HK1: variants seen among roughly 807,000 people sequenced by gnomAD.
HK1 encodes the protein hexokinase-1.
HK1 carries 28 observed loss-of-function variants against 91.6 expected under a neutral mutation model. That is an observed-to-expected ratio of 0.31 (90% CI 0.23 to 0.42). HK1 has a LOEUF of 0.42. Among genes scored for constraint, HK1 ranks in the 10% least tolerant of loss-of-function variants. The pLI, the probability that HK1 is intolerant of heterozygous loss-of-function variation, is 1.00. For missense variants in HK1, 770 were observed against 1,219.8 expected, an observed-to-expected ratio of 0.63 and a Z score of 5.49; for synonymous variants, 430 against 468.1, an observed-to-expected ratio of 0.92 and a Z score of 1.05.
rs778243477 is a variant in HK1, at chr10:69,360,025, G to T, written c.355G>T (p.Val119Leu). ...SEVYDTPENI[V>L]HGSGSQLFDH... ...GGTTTATGACACCCCAGAGAACATC[G>T]TGCACGGCAGTGGAAGCCAGGTGGG... The change falls in exon 3 of 18, where the codon GTG (valine) becomes TTG (leucine). Residue 119 changes from valine to leucine, a missense_variant. Physicochemically the swap from Val to Leu is conservative, Grantham distance 32. This residue lies in a region of HK1 where 449 missense variants were observed against 665.1 expected (regional missense o/e 0.68). Transcript: ENST00000359426. 1.2e-6 allele frequency: 2 copies of T among 1,614,120 alleles called. No homozygotes were observed. Among genetic ancestry groups the T allele is most frequent in the East Asian group, 4.5e-5 (2 of 44,886 alleles).
At chr10:69,327,956 G>A (rs1302084726) in intron 1 of HK1, among the ~76,000 whole-genome samples, 6 of 152,194 alleles carry the variant, frequency 3.9e-5, no homozygotes, top group Admixed American at 3.9e-4. Context: ...GCAGGGAAAG[G>A]CTTAGGATGG....
exon 5 of HK1, chr10:69,300,811 G>A (rs757803218): frequency 6.2e-7 from 1 of 1,611,542 alleles, no homozygotes; most frequent in Non-Finnish European, 8.5e-7. Flanking sequence ...ACATTAATGT[G>A]CACCACTGTG....
chr10:69,285,428 C>A (rs1844982868), intron 2 of HK1, among the ~76,000 whole-genome samples: 2 of 151,974 alleles, frequency 1.3e-5, no homozygotes, highest in Admixed American at 1.3e-4. Context: ...CATCTCAAAA[C>A]AACAACAAAA....
chr10:69,369,122 C>T lies in HK1; in HGVS notation c.592-115C>T, dbSNP rs1849861929. ...GTACCAGCTGTAATGAAACCAGTAC[C>T]ACTCACAAAAGCAGGGGTTCTGAAA... On this transcript the variant is annotated intron_variant, in intron 5 of 17. Coordinates refer to ENST00000359426, the MANE Select transcript of HK1 (RefSeq NM_000188.3). This position sits in a 1 kb window ranked among gnomAD's most constrained non-coding sequence, Gnocchi z 4.4. 2.6e-6 allele frequency: 2 copies of T among 758,186 alleles called. No homozygotes were observed. Among genetic ancestry groups the T allele is most frequent in the East Asian group, 2.6e-5 (1 of 38,238 alleles). The allele number at this position is 758,186 out of a possible 1,614,324, so 47.0% of individuals were successfully genotyped here.
intron 1 of HK1, among the ~76,000 whole-genome samples, chr10:69,333,141 A>G (rs1366715178): frequency 6.6e-6 from 1 of 152,186 alleles, no homozygotes; most frequent in East Asian, 1.9e-4. Context: ...TACACAAGAG[A>G]TCGAAGTGAC....
At chr10:69,375,906 CT>C (rs1325364851) in intron 7 of HK1, among the ~76,000 whole-genome samples, 1 of 152,192 alleles carries the variant, frequency 6.6e-6, no homozygotes, top group East Asian at 1.9e-4. Context: ...CAGCATTGGG[CT>C]CATTCTGTCA....
rs1839624922 is a variant in HK1, at chr10:69,386,249, G to A, written c.1840-74G>A. 3.4e-6 allele frequency: 4 copies of A among 1,169,804 alleles called. No homozygotes were observed. The Admixed American group carries it at 5.3e-5, about 15-fold the overall frequency. The allele number at this position is 1,169,804 out of a possible 1,614,324, so 72.5% of individuals were successfully genotyped here. On this transcript the variant is annotated intron_variant, in intron 12 of 17. Coordinates refer to ENST00000359426, the MANE Select transcript of HK1 (RefSeq NM_000188.3). The stretch of plus-strand genomic sequence containing the variant: ...CCCTCAGCAGTTGTTGACTCAGGAG[G>A]GAGGGTTGGAATTTTGTGTTCTCCC...
chr10:69,339,159 G>C (rs1490734294), intron 1 of HK1, among the ~76,000 whole-genome samples: 1 of 152,188 alleles, frequency 6.6e-6, no homozygotes, highest in Non-Finnish European at 1.5e-5. Context: ...CTCTAGTCAT[G>C]TGCTTTTCTC....
rs1468711119 is a variant in HK1 at position 69,366,953 on chromosome 10, T to C, written c.496-1583T>C. ...GCATGGGCTAGGCCCTGGGAGAGAA[T>C]GGCCAGAGTGTATTTATTTTGTATT... On this transcript the variant is annotated intron_variant, in intron 4 of 17. Coordinates refer to ENST00000359426, the MANE Select transcript of HK1 (RefSeq NM_000188.3). Among the ~76,000 whole-genome samples, 5 of 152,276 alleles carry C rather than the reference T, an allele frequency of 3.3e-5. No individual in the cohort carries two copies. The South Asian group carries it at 1.0e-3, about 32-fold the overall frequency.
chr10:69,306,911 T>C lies in HK1; in HGVS notation c.27+6050T>C, dbSNP rs138088465. 4.0e-3 allele frequency among the ~76,000 whole-genome samples: 603 copies of C among 152,266 alleles called. 2 individuals are homozygous for C. The highest frequency in any genetic ancestry group is 0.014 in the African/African-American group (564 of 41,548). On this transcript the variant is annotated intron_variant, in intron 5 of 21. Coordinates refer to the HK1 transcript ENST00000360289. ...AACACTTTCCTTTGGCATAGGGAGT[T>C]TGTTGGATTTTTGGGTTGTTCACCA...
At chr10:69,289,664 G>T (rs1265708512) in intron 3 of HK1, among the ~76,000 whole-genome samples, 1 of 151,460 alleles carries the variant, frequency 6.6e-6, no homozygotes, top group Non-Finnish European at 1.5e-5. Context: ...TAGAGATGGG[G>T]TTTTGTCATG....
In HK1 at chr10:69,382,753, T is replaced by C. The variant is rs375297844; in HGVS notation, c.1532T>C (p.Met511Thr). 4 of 1,613,126 alleles carry C rather than the reference T, an allele frequency of 2.5e-6. No individual in the cohort carries two copies. The highest frequency in any genetic ancestry group is 3.4e-6 in the Non-Finnish European group (4 of 1,179,832). The change falls in exon 10 of 18, where the codon ATG becomes ACG. Residue 511 changes from methionine (M) to threonine (T), a missense_variant. Around this residue, in one of 7 missense-constraint regions of HK1, gnomAD observed 48 missense variants for 128.2 expected, o/e 0.37. Transcript: ENST00000359426. ...ACGCACAACAATGCCGTGGTTAAGA[T>C]GCTGCCCTCCTTCGTCCGGAGAACT... ...KQTHNNAVVK[M>T]LPSFVRRTPD...
At chr10:69,288,083 G>A (rs938964491) in intron 2 of HK1, among the ~76,000 whole-genome samples, 2 of 152,178 alleles carry the variant, frequency 1.3e-5, no homozygotes, top group Non-Finnish European at 2.9e-5. Context: ...AAGAGTTCAA[G>A]TTTGAGGCTG....
chr10:69,312,808 C>G (rs1846437842), upstream of HK1, among the ~76,000 whole-genome samples: 2 of 152,188 alleles, frequency 1.3e-5, no homozygotes, highest in African/African-American at 4.8e-5. Context: ...GGGCATCCTT[C>G]TGGTCTTTTG....
chr10:69,376,871 C>A, intron 7 of HK1, 63 bp from the exon 8 acceptor site: 1 of 1,597,950 alleles, frequency 6.3e-7, no homozygotes, highest in Non-Finnish European at 8.6e-7. Flanking sequence ...TTATGTCTGT[C>A]CCAGCCCTCG....
chr10:69,377,279 A>C (rs910044570), intron 8 of HK1, among the ~76,000 whole-genome samples, 190 bp downstream of exon 8: 3 of 152,092 alleles, frequency 2.0e-5, no homozygotes, highest in Admixed American at 2.0e-4. Flanking sequence ...GTGGCGGTTC[A>C]TTAAAGAATG....
At chr10:69,322,611 G>T (rs1847100956) in intron 1 of HK1, among the ~76,000 whole-genome samples, 1 of 152,144 alleles carries the variant, frequency 6.6e-6, no homozygotes, top group Admixed American at 6.6e-5. Flanking sequence ...TAAATAAAAG[G>T]CCGATGTAGT....
intron 13 of HK1, among the ~76,000 whole-genome samples, chr10:69,388,236 T>A (rs1011002526): frequency 6.6e-5 from 10 of 152,104 alleles, no homozygotes; most frequent in African/African-American, 2.4e-4. Flanking sequence ...GCCCAGGAGT[T>A]GGAGACCAGC....
At chr10:69,280,830 C>T (rs947734745) in intron 1 of HK1, among the ~76,000 whole-genome samples, 3 of 152,184 alleles carry the variant, frequency 2.0e-5, no homozygotes, top group Non-Finnish European at 4.4e-5. Flanking sequence ...CGGACCAAGA[C>T]AGTGAGGGTG....
Sources: gnomAD v4.1 joint callset for allele counts (sites outside exome capture counted in the v4.1 genomes callset) on GRCh38, gnomAD v4.1.1 for gene constraint, gnomAD v4.1.1 regional missense constraint, Gnocchi (gnomAD v3.1) non-coding constraint, MANE v1.5 for transcripts, NCBI Gene and HGNC (gene_info 2026-07-23, HGNC 2026-07-21) for gene names.